Variants in PRKCH observed in about 807,000 individuals in gnomAD.
The protein encoded by PRKCH is protein kinase C eta, also known as protein kinase C eta type.
A neutral mutation model predicts 82.5 loss-of-function variants in PRKCH; 28 were observed. The observed-to-expected ratio is 0.34, with a 90% CI of 0.25 to 0.47. The LOEUF is 0.47. Among genes scored for constraint, PRKCH ranks in the 20% least tolerant of loss-of-function variants. The probability of loss-of-function intolerance (pLI) is 1.00; values close to 1 mark genes in which losing one functional copy is unlikely to be tolerated. For missense variants in PRKCH, 705 were observed against 881.8 expected (o/e 0.80, Z 2.54); for synonymous variants, 322 against 327.4 (o/e 0.98, Z 0.18).
chr14:61,485,683 C>A lies in PRKCH; in HGVS notation c.1433+27C>A, dbSNP rs371086766. ...TGAGTTTTGGTTGCTGCCCTGTCTT[C>A]TAATTCACTGCCTCTTCCCTCTCCT... On this transcript the variant is annotated intron_variant, in intron 10 of 13. Coordinates refer to ENST00000332981, the MANE Select transcript of PRKCH (RefSeq NM_006255.5). 3.7e-5 allele frequency: 59 copies of A among 1,601,070 alleles called. No homozygotes were observed. In the African/African-American group the frequency reaches 7.5e-4, roughly 20 times the overall value.
At chr14:61,345,345 C>T (rs557076424) in intron 1 of PRKCH, among the ~76,000 whole-genome samples, 1 of 152,302 alleles carries the variant, frequency 6.6e-6, no homozygotes, top group Non-Finnish European at 1.5e-5. Flanking sequence ...AAAGAGTATA[C>T]GTTGTTATGC....
At chr14:61,286,404 C>T (rs557550192) in intron 1 of PRKCH, among the ~76,000 whole-genome samples, 27 of 152,298 alleles carry the variant, frequency 1.8e-4, no homozygotes, top group Admixed American at 1.5e-3. Context: ...GCACTGTAAG[C>T]ACCAGAGGCA....
intron 10 of PRKCH, among the ~76,000 whole-genome samples, chr14:61,508,546 C>T (rs1267608687): frequency 3.9e-5 from 6 of 152,084 alleles, no homozygotes; most frequent in Non-Finnish European, 8.8e-5. Flanking sequence ...GAAAGCGCTT[C>T]CTTTTGTATG....
At chr14:61,321,053 A>G (rs2045612720), upstream of PRKCH, among the ~76,000 whole-genome samples, 2 of 152,230 alleles carry the variant, frequency 1.3e-5, no homozygotes, top group African/African-American at 4.8e-5. The surrounding 1 kb of genome is among the most constrained non-coding windows in gnomAD (Gnocchi z 4.1). Context: ...AAACACACAC[A>G]TACACACAAC....
intron 1 of PRKCH, among the ~76,000 whole-genome samples, chr14:61,235,911 C>A (rs930049166): frequency 7.2e-5 from 11 of 152,294 alleles, no homozygotes; most frequent in Admixed American, 1.3e-4. Flanking sequence ...GCACCCCCAA[C>A]CAGCTGAATG....
chr14:61,417,794 C>A (rs560388241), intron 2 of PRKCH, among the ~76,000 whole-genome samples: 56 of 152,288 alleles, frequency 3.7e-4, no homozygotes, highest in African/African-American at 1.3e-3. Flanking sequence ...GAATCTCTAT[C>A]TGACAAGGCT....
At chr14:61,339,194 G>T (rs1365145700) in intron 1 of PRKCH, among the ~76,000 whole-genome samples, 3 of 151,894 alleles carry the variant, frequency 2.0e-5, no homozygotes, top group Non-Finnish European at 4.4e-5. Context: ...CTTGGGATGA[G>T]CTGGCCTCCT....
intron 1 of PRKCH, among the ~76,000 whole-genome samples, chr14:61,355,775 T>C (rs2140154545): frequency 6.6e-6 from 1 of 152,292 alleles, no homozygotes; most frequent in East Asian, 1.9e-4. Context: ...TATTGCTACG[T>C]TGTGATTTAA....
At chr14:61,327,379 C>G (rs2045712218) in intron 1 of PRKCH, among the ~76,000 whole-genome samples, 1 of 151,966 alleles carries the variant, frequency 6.6e-6, no homozygotes, top group Non-Finnish European at 1.5e-5. Context: ...TGATTTTTTT[C>G]TGAGCCAATT....
rs1289299489 is a variant in PRKCH, at chr14:61,322,188, G to A, written c.87G>A (p.Leu29=). 6 of 1,612,178 alleles carry A rather than the reference G, an allele frequency of 3.7e-6. No individual in the cohort carries two copies. The highest frequency in any genetic ancestry group is 5.1e-6 in the Non-Finnish European group (6 of 1,179,380). ...GGCTGCAGCCCACCCGCTGGTCCCT[G>A]CGCCACTCGCTCTTCAAGAAGGGCC... ...AVGLQPTRWS[L]RHSLFKKGHQ... The change falls in exon 1 of 14, where the codon CTG becomes CTA. Residue 29 remains leucine, a synonymous_variant. Transcript: ENST00000332981.
chr14:61,462,603 A>G (rs1048989276), intron 9 of PRKCH, among the ~76,000 whole-genome samples: 29 of 152,236 alleles, frequency 1.9e-4, no homozygotes, highest in Non-Finnish European at 3.8e-4. Flanking sequence ...AAAACTAACT[A>G]TAAAGAACAG....
At chr14:61,329,230 G>T in intron 1 of PRKCH, among the ~76,000 whole-genome samples, 1 of 26,442 alleles carries the variant, frequency 3.8e-5, no homozygotes, top group South Asian at 2.3e-3. Context: ...ATAAACTCCT[G>T]AGTCTTTTTT....
chr14:61,229,078 C>G (rs1383858793), intron 1 of PRKCH, among the ~76,000 whole-genome samples: 3 of 151,908 alleles, frequency 2.0e-5, no homozygotes, highest in Non-Finnish European at 4.4e-5. Context: ...ACTATGGGGA[C>G]AGTAGCATAA....
At chr14:61,537,228 G>A (rs1019760505) in intron 12 of PRKCH, among the ~76,000 whole-genome samples, 4 of 152,058 alleles carry the variant, frequency 2.6e-5, no homozygotes, top group African/African-American at 9.7e-5. Context: ...CCTGACCTGC[G>A]ACTCGCAGAG....
At position 61,516,979 on chromosome 14, in the gene PRKCH, T is replaced by C. The variant is rs539881817; in HGVS notation, c.1434-12096T>C. On this transcript the variant is annotated intron_variant, in intron 10 of 13. Coordinates refer to ENST00000332981, the MANE Select transcript of PRKCH (RefSeq NM_006255.5). Reference sequence around the variant, plus strand: ...TGGTTCTGAAGTGCAAGTGTCTTCTTGTGTTTTTCAGAGGTTTGTGTTTAG... The same window carrying C: ...TGGTTCTGAAGTGCAAGTGTCTTCTCGTGTTTTTCAGAGGTTTGTGTTTAG... Among the ~76,000 whole-genome samples the C allele has an allele frequency of 9.9e-5, 15 of 152,242 alleles. 1 individual carries two copies. The highest frequency in any genetic ancestry group is 9.8e-4 in the Admixed American group (15 of 15,294).
At chr14:61,396,929 C>T (rs542065324) in intron 2 of PRKCH, among the ~76,000 whole-genome samples, 2 of 152,176 alleles carry the variant, frequency 1.3e-5, no homozygotes, top group East Asian at 3.9e-4. Flanking sequence ...CCAGGTCAGA[C>T]AATAAATTGC....
At chr14:61,488,859 A>C (rs113905191) in intron 10 of PRKCH, among the ~76,000 whole-genome samples, 2 of 152,120 alleles carry the variant, frequency 1.3e-5, no homozygotes, top group African/African-American at 4.8e-5. Flanking sequence ...ATTTCAATTC[A>C]TGGTGTCTGT....
intron 1 of PRKCH, among the ~76,000 whole-genome samples, chr14:61,249,026 T>G (rs1206161904): frequency 6.6e-6 from 1 of 152,170 alleles, no homozygotes; most frequent in Non-Finnish European, 1.5e-5. Flanking sequence ...GGTCTGAAAC[T>G]CCTGACCTCA....
intron 1 of PRKCH, among the ~76,000 whole-genome samples, chr14:61,244,021 T>A (rs1228842835): frequency 4.0e-5 from 6 of 151,722 alleles, no homozygotes; most frequent in Admixed American, 3.3e-4. Flanking sequence ...AAGCTGCACA[T>A]CACCGCAGCC....
Sources: allele counts gnomAD v4.1 joint callset (sites outside exome capture counted in the v4.1 genomes callset), GRCh38; gene constraint gnomAD v4.1.1; non-coding constraint Gnocchi (gnomAD v3.1); transcripts MANE v1.5; gene names NCBI Gene and HGNC (gene_info 2026-07-23, HGNC 2026-07-21).